CCDC9B: variants seen among roughly 807,000 people sequenced by gnomAD.
CCDC9B encodes coiled-coil domain-containing protein 9B.
CCDC9B carries 40 observed loss-of-function variants against 47.2 expected under a neutral mutation model. That is an observed-to-expected ratio of 0.85 (90% confidence interval 0.66 to 1.10). The LOEUF is 1.10. CCDC9B is among the 50% of genes least tolerant of loss of function. The pLI, the probability that CCDC9B is intolerant of heterozygous loss-of-function variation, is 0.00. For synonymous variants in CCDC9B, 238 were observed against 250.7 expected (o/e 0.95, Z 0.48); for missense variants, 662 against 651.0 (o/e 1.02, Z -0.18).
At position 40,331,846 on chromosome 15, in the gene CCDC9B, T is replaced by C. The variant is rs896674797; in HGVS notation, c.*3312A>G. The C allele has an allele frequency of 3.5e-4, 53 of 152,612 alleles. No individual in the cohort carries two copies. The highest frequency in any genetic ancestry group is 1.3e-3 in the African/African-American group (52 of 41,456). 9.5% of individuals were successfully genotyped at this position (152,612 alleles called of 1,614,324 possible). A position where few individuals can be genotyped will look rare whatever the true frequency, so the allele number is the denominator to read the frequency against. On this transcript the variant is annotated 3_prime_UTR_variant, in exon 11 of 11. Transcript: ENST00000397536. Reference sequence around the variant, plus strand: ...CTGTGCTTGTTCCACCCGGCCACACTGCCTGTCATCAAAACACATGTCTTT... The same window carrying C: ...CTGTGCTTGTTCCACCCGGCCACACCGCCTGTCATCAAAACACATGTCTTT...
chr15:40,338,399 G>A (rs1037947563), intron 5 of CCDC9B, 136 bp downstream of exon 5: 5 of 1,021,396 alleles, frequency 4.9e-6, no homozygotes, highest in African/African-American at 4.8e-5. Flanking sequence ...CAGAGAAAGG[G>A]AGGAGGAGCA....
chr15:40,336,763 T>C lies in CCDC9B; in HGVS notation c.793A>G (p.Lys265Glu). The change falls in exon 8 of 11, where the codon AAA becomes GAA. Residue 265 changes from lysine (K) to glutamate (E), a missense_variant. Lys to Glu is a moderately conservative substitution (Grantham distance 56). Coordinates refer to ENST00000397536, the MANE Select transcript of CCDC9B (RefSeq NM_207380.3). ...CCCCTCCTCCTCCCCAACTCACCTTTTCCATCAGGGAGCAATGGTGGGGGC... is the reference window on the plus strand; with the variant it reads ...CCCCTCCTCCTCCCCAACTCACCTTCTCCATCAGGGAGCAATGGTGGGGGC... ...LQPPPLLPDG[K>E]GRGGQASRPS... The C allele has an allele frequency of 1.9e-6, 3 of 1,600,058 alleles. No homozygotes were observed. In the African/African-American group the frequency reaches 4.1e-5, roughly 22 times the overall value.
rs8041445 is a variant in CCDC9B at position 40,338,171 on chromosome 15, G to A, written c.514-278C>T. 1,484 of 718,584 alleles carry A rather than the reference G, an allele frequency of 2.1e-3. 8 individuals carry two copies. The highest frequency in any genetic ancestry group is 0.02 in the African/African-American group (1,144 of 57,382). 44.5% of individuals were successfully genotyped at this position (718,584 alleles called of 1,614,324 possible). ...TGTTGCAGGGGTATGCAGACGGGCC[G>A]GAGTGGGAGGGGCCCTGGAAGCTGT... On this transcript the variant is annotated intron_variant, in intron 5 of 10. Transcript: ENST00000397536.
chr15:40,335,553 TG>T lies in CCDC9B; in HGVS notation c.1077del (p.Thr360GlnfsTer21). ...PEGPKGESVA[S>X]TASSVPCSPQ... Reference sequence around the variant, plus strand: ...GGAGAGCAGGGGACTGAGCTGGCTGTGGAAGCCACTGACTCCCCCTTCGGCC... The same window carrying T: ...GGAGAGCAGGGGACTGAGCTGGCTGTGAAGCCACTGACTCCCCCTTCGGCC... On this transcript the variant is annotated frameshift_variant, in exon 11 of 11. Coordinates refer to ENST00000397536, the MANE Select transcript of CCDC9B (RefSeq NM_207380.3). LOFTEE classifies it low-confidence loss of function (END_TRUNC). The T allele has an allele frequency of 6.6e-7, 1 of 1,509,070 alleles. No homozygotes were observed. The highest frequency in any genetic ancestry group is 8.9e-7 in the Non-Finnish European group (1 of 1,128,936). The allele number at this position is 1,509,070 out of a possible 1,614,324, so 93.5% of individuals were successfully genotyped here.
At chr15:40,339,116 G>A (rs998544927) in intron 3 of CCDC9B, 31 of 636,464 alleles carry the variant, frequency 4.9e-5, no homozygotes, top group East Asian at 3.0e-4. Context: ...ACAGTGGCCC[G>A]TCATCTCTGA....
In CCDC9B at chr15:40,332,309, G is replaced by T. The variant is rs1308956358; in HGVS notation, c.*2849C>A. 3 of 152,184 alleles carry T rather than the reference G, an allele frequency of 2.0e-5. No homozygotes were observed. The highest frequency in any genetic ancestry group is 4.1e-4 in the South Asian group (2 of 4,832). 9.4% of individuals were successfully genotyped at this position (152,184 alleles called of 1,614,324 possible). A position where few individuals can be genotyped will look rare whatever the true frequency, so the allele number is the denominator to read the frequency against. ...CAACCATCCGGACTGATAGCCGGGG[G>T]TTACCACCATAACTACCACTTCCTT... On this transcript the variant is annotated 3_prime_UTR_variant, in exon 11 of 11. Transcript: ENST00000397536.
chr15:40,334,950 A>G lies in CCDC9B; in HGVS notation c.*208T>C. On this transcript the variant is annotated 3_prime_UTR_variant, in exon 11 of 11. Transcript: ENST00000397536. ...CACCAGGGGCTGTGCCCGTGCGTGA[A>G]AACACACATGTGCACAGAGATGAGC... 2.3e-6 allele frequency: 1 copy of G among 435,660 alleles called. No individual in the cohort carries two copies. The highest frequency in any genetic ancestry group is 4.1e-6 in the Non-Finnish European group (1 of 246,742). 27.0% of individuals were successfully genotyped at this position (435,660 alleles called of 1,614,324 possible).
chr15:40,335,678 GTCTC>G lies in CCDC9B; in HGVS notation c.949_952del (p.Glu317LeufsTer63). 1 of 1,553,196 alleles carries G rather than the reference GTCTC, an allele frequency of 6.4e-7. No individual in the cohort carries two copies. Among genetic ancestry groups the G allele is most frequent in the East Asian group, 2.4e-5 (1 of 41,844 alleles). On this transcript the variant is annotated frameshift_variant, in exon 11 of 11. Coordinates refer to ENST00000397536, the MANE Select transcript of CCDC9B (RefSeq NM_207380.3). LOFTEE classifies it low-confidence loss of function (END_TRUNC). ...CTGGGCTTGCTCCTCCTCACTGGGAGTCTCTCTGGTGCTTTGGCTTCCCTGAAAC... is the reference window on the plus strand; with the variant it reads ...CTGGGCTTGCTCCTCCTCACTGGGAGTCTGGTGCTTTGGCTTCCCTGAAAC...
chr15:40,334,963 C>T lies in CCDC9B; in HGVS notation c.*195G>A. 2.1e-6 allele frequency: 1 copy of T among 487,622 alleles called. No homozygotes were observed. The highest frequency in any genetic ancestry group is 3.2e-5 in the East Asian group (1 of 31,678). 30.2% of individuals were successfully genotyped at this position (487,622 alleles called of 1,614,324 possible). A position where few individuals can be genotyped will look rare whatever the true frequency, so the allele number is the denominator to read the frequency against. ...GCCCGTGCGTGAAAACACACATGTG[C>T]ACAGAGATGAGCGTGTGAGGTGCAG... On this transcript the variant is annotated 3_prime_UTR_variant, in exon 11 of 11. Transcript: ENST00000397536.
Position 40,338,655 on chromosome 15 carries a change from T to C in CCDC9B, c.393A>G (p.Lys131=). ...AVTMENKAEG[K]RIVSEKPTRA... ...TGGTAGGCTTTTCACTTACAATCCG[T>C]TTGCCCTGGGGAGGATGAAGATGGG... Residue 131 remains lysine (K), a synonymous_variant, in exon 5 of 11, where the codon AAA becomes AAG. Transcript: ENST00000397536. 6.2e-7 allele frequency: 1 copy of C among 1,614,068 alleles called. No homozygotes were observed. The highest frequency in any genetic ancestry group is 8.5e-7 in the Non-Finnish European group (1 of 1,179,994).
intron 1 of CCDC9B, 184 bp from the exon 2 acceptor site, chr15:40,340,199 G>A (rs576526533): frequency 4.9e-5 from 29 of 596,850 alleles, no homozygotes; most frequent in South Asian, 1.0e-4. Context: ...AGCTAGGCCC[G>A]TCTGCCTGTC....
intron 1 of CCDC9B, chr15:40,340,459 CTG>C (rs1889067027): frequency 2.7e-6 from 1 of 373,368 alleles, no homozygotes; most frequent in African/African-American, 2.1e-5. Context: ...TGGCTCCGTC[CTG>C]GGCTCTCAGG....
intron 9 of CCDC9B, 94 bp from the exon 10 acceptor site, chr15:40,335,920 C>A: frequency 6.5e-7 from 1 of 1,546,668 alleles, no homozygotes. Flanking sequence ...AGTTGAGAGC[C>A]AGTGAGGAAG....
Position 40,336,762 on chromosome 15 carries a change from T to C in CCDC9B, c.794A>G (p.Lys265Arg). 1.0e-5 allele frequency: 16 copies of C among 1,600,110 alleles called. No individual in the cohort carries two copies. The highest frequency in any genetic ancestry group is 1.4e-5 in the African/African-American group (1 of 73,866). ...LQPPPLLPDG[K>R]GRGGQASRPS... ...GCCCCTCCTCCTCCCCAACTCACCT[T>C]TTCCATCAGGGAGCAATGGTGGGGG... is the stretch of plus-strand genomic sequence containing the variant. The change falls in exon 8 of 11, where the codon AAA becomes AGA. Residue 265 changes from lysine (K) to arginine (R), a missense_variant and splice_region_variant. By Grantham distance (26) the Lys-to-Arg change is conservative. Transcript: ENST00000397536.
At chr15:40,337,255 G>A (rs1566907816) in intron 7 of CCDC9B, 133 bp downstream of exon 7, 4 of 849,540 alleles carry the variant, frequency 4.7e-6, no homozygotes, top group African/African-American at 3.3e-5. Flanking sequence ...GTGAGGGAGA[G>A]GAAGGAAGAT....
Position 40,335,080 on chromosome 15 carries a change from G to A in CCDC9B, c.*78C>T. The A allele has an allele frequency of 1.5e-6, 2 of 1,329,932 alleles. No homozygotes were observed. The highest frequency in any genetic ancestry group is 3.2e-5 in the South Asian group (2 of 61,618). The allele number at this position is 1,329,932 out of a possible 1,614,324, so 82.4% of individuals were successfully genotyped here. On this transcript the variant is annotated 3_prime_UTR_variant, in exon 11 of 11. Transcript: ENST00000397536. ...GGCGCAAGCCACCGGCAACCACATG[G>A]CCATCACGCGGAGGGCCTTTAACAG...
At chr15:40,337,268 T>A in intron 7 of CCDC9B, 120 bp downstream of exon 7, 1 of 943,192 alleles carries the variant, frequency 1.1e-6, no homozygotes, top group Non-Finnish European at 1.7e-6. Flanking sequence ...AGGAAGATGT[T>A]CTCCAACGCT....
chr15:40,336,732 AC>A (rs780472606), intron 8 of CCDC9B, 27 bp downstream of exon 8: 1 of 1,601,220 alleles, frequency 6.2e-7, no homozygotes, highest in South Asian at 1.1e-5. Flanking sequence ...AGCTGACGAG[AC>A]CTGGCCCCTC....
In CCDC9B at chr15:40,337,454, G is replaced by T. The variant is rs932175758; in HGVS notation, c.684-8C>A. 1 of 1,551,512 alleles carries T rather than the reference G, an allele frequency of 6.4e-7. No homozygotes were observed. Among genetic ancestry groups the T allele is most frequent in the Admixed American group, 2.0e-5 (1 of 50,194 alleles). ...TGGCTGCAGTCCTGTAGCCTGTGTA[G>T]ACAGAGGGAGTCAGGTTGCTGGTGC... is the stretch of plus-strand genomic sequence containing the variant. On this transcript the variant is annotated splice_polypyrimidine_tract_variant and splice_region_variant and intron_variant, in intron 6 of 10. Coordinates refer to ENST00000397536, the MANE Select transcript of CCDC9B (RefSeq NM_207380.3).
Sources: allele counts gnomAD v4.1 joint callset, GRCh38; gene constraint gnomAD v4.1.1; transcripts MANE v1.5; gene names NCBI Gene and HGNC (gene_info 2026-07-23, HGNC 2026-07-21).